Variants in SPTAN1 observed in about 807,000 individuals in gnomAD.
The protein encoded by SPTAN1 is spectrin alpha, non-erythrocytic 1, also known as spectrin alpha chain, non-erythrocytic 1.
A neutral mutation model predicts 331.3 loss-of-function variants in SPTAN1; 61 were observed. The ratio of observed to expected loss-of-function variants is 0.18; its 90% confidence interval spans 0.15 to 0.23. The LOEUF is 0.23. Ranked by LOEUF, SPTAN1 falls within the 10% of genes least tolerant of loss-of-function variation. The probability of loss-of-function intolerance (pLI) is 1.00; values close to 1 mark genes in which losing one functional copy is unlikely to be tolerated. For missense variants in SPTAN1, 2,043 were observed against 3,147.9 expected (o/e 0.65, Z 8.40); for synonymous variants, 1,153 against 1,173.9 (o/e 0.98, Z 0.36).
intron 11 of SPTAN1, among the ~76,000 whole-genome samples, chr9:128,581,369 A>T (rs1851916814): frequency 6.6e-6 from 1 of 151,702 alleles, no homozygotes; most frequent in African/African-American, 2.4e-5. Context: ...GCACTTTGGG[A>T]GGCTGAGATG....
intron 48 of SPTAN1, 99 bp downstream of exon 48, chr9:128,626,077 G>A: frequency 1.4e-6 from 2 of 1,421,228 alleles, no homozygotes; most frequent in African/African-American, 1.4e-5. Context: ...TGAGGAAGCT[G>A]TGAGCTCAGT....
In SPTAN1 at chr9:128,626,743, C is replaced by G. The variant is rs555397115; in HGVS notation, c.6576+56C>G. The G allele has an allele frequency of 7.3e-5, 109 of 1,501,402 alleles. 1 individual carries two copies. In the South Asian group the frequency reaches 8.8e-4, roughly 12 times the overall value. 93.0% of individuals were successfully genotyped at this position (1,501,402 alleles called of 1,614,324 possible). A position where few individuals can be genotyped will look rare whatever the true frequency, so the allele number is the denominator to read the frequency against. ...CGGCCTCCCAGAGCCCTCTCTGGGC[C>G]CTGCTCAGAGCCCACACTTAACTGA... is the stretch of plus-strand genomic sequence containing the variant. On this transcript the variant is annotated intron_variant, in intron 49 of 56. Coordinates refer to ENST00000372739, the MANE Select transcript of SPTAN1 (RefSeq NM_001130438.3).
intron 1 of SPTAN1, among the ~76,000 whole-genome samples, chr9:128,566,249 T>A (rs986156118): frequency 6.6e-6 from 1 of 152,012 alleles, no homozygotes; most frequent in African/African-American, 2.4e-5. Flanking sequence ...GTAGAGACGG[T>A]GTTTCACCTT....
intron 41 of SPTAN1, 34 bp downstream of exon 41, chr9:128,615,874 C>G: frequency 6.2e-7 from 1 of 1,608,596 alleles, no homozygotes; most frequent in Non-Finnish European, 8.5e-7. Flanking sequence ...AGGCCCCTTA[C>G]GCCTGTAATA....
At chr9:128,594,429 A>AT (rs10679469) in intron 24 of SPTAN1, 56 bp downstream of exon 24, 36,320 of 723,224 alleles carry the variant, frequency 0.05, 345 homozygotes, top group African/African-American at 0.097. Context: ...GAGTCTCTTG[A>AT]TTTTTTTTTT....
chr9:128,591,242 T>G (rs187615303), intron 21 of SPTAN1, among the ~76,000 whole-genome samples: 1 of 151,940 alleles, frequency 6.6e-6, no homozygotes, highest in South Asian at 2.1e-4. Context: ...TTTTTGTATC[T>G]TTTTTAGTAG....
At chr9:128,586,704 G>A (rs1322508025) in intron 19 of SPTAN1, among the ~76,000 whole-genome samples, 8 of 151,834 alleles carry the variant, frequency 5.3e-5, no homozygotes. Flanking sequence ...GTTTTTTACT[G>A]GTTATCTGTT....
At chr9:128,588,401 T>C (rs981306324) in intron 20 of SPTAN1, among the ~76,000 whole-genome samples, 1 of 143,400 alleles carries the variant, frequency 7.0e-6, no homozygotes, top group Non-Finnish European at 1.5e-5. Flanking sequence ...AACCTCCGCC[T>C]CCCAGGTTCA....
At chr9:128,575,563 C>T (rs935507899) in intron 5 of SPTAN1, among the ~76,000 whole-genome samples, 1 of 152,146 alleles carries the variant, frequency 6.6e-6, no homozygotes, top group Non-Finnish European at 1.5e-5. Flanking sequence ...GGGCAGAGTT[C>T]ATTTGATCTG....
Position 128,626,536 on chromosome 9 carries a change from G to A in SPTAN1, c.6425G>A (p.Arg2142His), listed in dbSNP as rs796053324. 6.8e-6 allele frequency: 11 copies of A among 1,614,024 alleles called. No individual in the cohort carries two copies. Among genetic ancestry groups the A allele is most frequent in the African/African-American group, 4.0e-5 (3 of 74,920 alleles). Residue 2142 changes from arginine to histidine, a missense_variant, in exon 49 of 57, where the codon CGC becomes CAC. Arg to His is a conservative substitution (Grantham distance 29). Transcript: ENST00000372739. ...KALREAHDAF[R>H]SSLSSAQADF... ...TTGCGCGAGGCCCACGACGCCTTCC[G>A]CTCCTCCCTCAGCTCTGCCCAGGCT...
chr9:128,604,127 T>C lies in SPTAN1; in HGVS notation c.3628-199T>C, dbSNP rs147717209. Among the ~76,000 whole-genome samples the C allele has an allele frequency of 3.7e-3, 567 of 152,358 alleles. 3 individuals are homozygous for C. Among genetic ancestry groups the C allele is most frequent in the African/African-American group, 0.013 (525 of 41,580 alleles). ...TGCCTAGGTCAGGTGTTTGTGGGTG[T>C]TGAAGCTGTCAAGCACAGCTAGTTT... On this transcript the variant is annotated intron_variant, in intron 28 of 56. Coordinates refer to ENST00000372739, the MANE Select transcript of SPTAN1 (RefSeq NM_001130438.3).
Position 128,585,793 on chromosome 9 carries a change from A to G in SPTAN1, c.2606A>G (p.Asn869Ser). Reference protein sequence around the residue: ...EDVKAKLHELNQKWEALKAKA... With the variant: ...EDVKAKLHELSQKWEALKAKA... Reference sequence around the variant, plus strand: ...GTGAAGGCCAAGCTTCACGAGCTGAACCAAAAGTGGGAGGCACTGAAAGCC... The same window carrying G: ...GTGAAGGCCAAGCTTCACGAGCTGAGCCAAAAGTGGGAGGCACTGAAAGCC... Residue 869 changes from asparagine to serine, a missense_variant, in exon 19 of 57, where the codon AAC becomes AGC. This residue lies in a region of SPTAN1 where 1,038 missense variants were observed against 1,531.5 expected (regional missense o/e 0.68). Transcript: ENST00000372739. The G allele has an allele frequency of 6.2e-7, 1 of 1,614,226 alleles. No individual in the cohort carries two copies. Among genetic ancestry groups the G allele is most frequent in the Non-Finnish European group, 8.5e-7 (1 of 1,180,040 alleles).
At chr9:128,619,657 C>A (rs987872261) in intron 44 of SPTAN1, among the ~76,000 whole-genome samples, 2 of 152,220 alleles carry the variant, frequency 1.3e-5, no homozygotes, top group African/African-American at 4.8e-5. Context: ...ACGCTAATGA[C>A]CTCATCTTAC....
intron 19 of SPTAN1, among the ~76,000 whole-genome samples, chr9:128,587,372 T>C (rs1301825297): frequency 6.6e-6 from 1 of 152,170 alleles, no homozygotes; most frequent in African/African-American, 2.4e-5. Flanking sequence ...GGCATAAGCC[T>C]CTGTGCCTAG....
At position 128,577,645 on chromosome 9, in the gene SPTAN1, G is replaced by A. The variant is rs1165827053; in HGVS notation, c.1085+139G>A. Reference sequence around the variant, plus strand: ...CAAATGCAAATCACTTCTTACCTATGTTCTCTCTGTTTGGAGACTGGCAAC... The same window carrying A: ...CAAATGCAAATCACTTCTTACCTATATTCTCTCTGTTTGGAGACTGGCAAC... On this transcript the variant is annotated intron_variant, in intron 8 of 56. Coordinates refer to ENST00000372739, the MANE Select transcript of SPTAN1 (RefSeq NM_001130438.3). The surrounding 1 kb of genome is among the most constrained non-coding windows in gnomAD (Gnocchi z 4.2). 3 of 1,168,636 alleles carry A rather than the reference G, an allele frequency of 2.6e-6. No homozygotes were observed. In the African/African-American group the frequency reaches 4.5e-5, roughly 18 times the overall value. The allele number at this position is 1,168,636 out of a possible 1,614,324, so 72.4% of individuals were successfully genotyped here.
chr9:128,588,964 G>T (rs762893514), intron 21 of SPTAN1, 21 bp downstream of exon 21: 2 of 1,613,282 alleles, frequency 1.2e-6, no homozygotes, highest in African/African-American at 2.7e-5. Flanking sequence ...GAGAGTGGCT[G>T]TGTGTTTGTT....
chr9:128,564,693 T>A (rs1232930505), intron 1 of SPTAN1, among the ~76,000 whole-genome samples: 1 of 152,192 alleles, frequency 6.6e-6, no homozygotes, highest in Non-Finnish European at 1.5e-5. Context: ...TGTGATTACG[T>A]CTGAGAAGGA....
chr9:128,614,593 A>AAAAAAAC (rs1288298357), intron 40 of SPTAN1, among the ~76,000 whole-genome samples: 2 of 144,214 alleles, frequency 1.4e-5, no homozygotes, highest in Non-Finnish European at 3.2e-5. Flanking sequence ...ACGTCTCAAA[A>AAAAAAAC]AAAAAACAAA....
intron 21 of SPTAN1, among the ~76,000 whole-genome samples, chr9:128,589,234 A>G (rs1464122606): frequency 6.6e-6 from 1 of 151,658 alleles, no homozygotes; most frequent in Non-Finnish European, 1.5e-5. Context: ...TGTCAAGCCA[A>G]AGTTTGCTTT....
Sources: allele counts gnomAD v4.1 joint callset (sites outside exome capture counted in the v4.1 genomes callset), GRCh38; gene constraint gnomAD v4.1.1; regional missense constraint gnomAD v4.1.1; non-coding constraint Gnocchi (gnomAD v3.1); transcripts MANE v1.5; gene names NCBI Gene and HGNC (gene_info 2026-07-23, HGNC 2026-07-21).